FGF12: variants seen among roughly 807,000 people sequenced by gnomAD.
FGF12 encodes fibroblast growth factor 12.
Under a neutral mutation model 23.6 loss-of-function variants are expected in FGF12, and 14 were observed. The observed-to-expected ratio is 0.59, with a 90% CI of 0.39 to 0.93. The LOEUF is 0.93. Among genes scored for constraint, FGF12 ranks in the 40% least tolerant of loss-of-function variants. The probability of loss-of-function intolerance (pLI) is 0.00; values close to 1 mark genes in which losing one functional copy is unlikely to be tolerated. For synonymous variants in FGF12, 62 were observed against 77.3 expected (o/e 0.80, Z 1.04); for missense variants, 175 against 217.8 (o/e 0.80, Z 1.24).
At chr3:192,228,751 T>A (rs1718866201) in intron 4 of FGF12, among the ~76,000 whole-genome samples, 1 of 152,092 alleles carries the variant, frequency 6.6e-6, no homozygotes, top group South Asian at 2.1e-4. Context: ...CATAGAACCA[T>A]TAAGATGAAT....
At chr3:192,158,351 T>TTTCTTTCTTTCTTTCTTTCTTTC in intron 5 of FGF12, among the ~76,000 whole-genome samples, 1 of 95,432 alleles carries the variant, frequency 1.0e-5, no homozygotes, top group African/African-American at 4.1e-5. Context: ...TCTTTCTTTC[T>TTTCTTTCTTTCTTTCTTTCTTTC]TTCTTTCTTT....
chr3:192,224,947 G>A (rs1440706949), intron 4 of FGF12, among the ~76,000 whole-genome samples: 4 of 151,982 alleles, frequency 2.6e-5, no homozygotes, highest in African/African-American at 4.8e-5. Flanking sequence ...TACCATACCC[G>A]GAATTCTGAC....
chr3:192,662,504 C>T (rs1486326100), intron 2 of FGF12, among the ~76,000 whole-genome samples: 1 of 152,182 alleles, frequency 6.6e-6, no homozygotes, highest in Non-Finnish European at 1.5e-5. Flanking sequence ...GTCTCCAATA[C>T]ATTCATTTGC....
chr3:192,484,725 A>C (rs1723581305), intron 2 of FGF12, among the ~76,000 whole-genome samples: 1 of 152,206 alleles, frequency 6.6e-6, no homozygotes, highest in South Asian at 2.1e-4. Flanking sequence ...CCCACATTGC[A>C]CAGGCCCAAA....
chr3:192,424,174 T>A (rs1721622034), intron 2 of FGF12, among the ~76,000 whole-genome samples: 1 of 152,140 alleles, frequency 6.6e-6, no homozygotes, highest in Admixed American at 6.6e-5. Context: ...CTTCCCCAGA[T>A]CCTGTTCATC....
chr3:192,190,772 G>A (rs2108647258), intron 4 of FGF12, among the ~76,000 whole-genome samples: 1 of 152,230 alleles, frequency 6.6e-6, no homozygotes, highest in South Asian at 2.1e-4. Flanking sequence ...ACCGCGCCCG[G>A]CCCCAATACT....
chr3:192,364,398 G>A (rs1238323345), intron 2 of FGF12, among the ~76,000 whole-genome samples: 1 of 152,124 alleles, frequency 6.6e-6, no homozygotes, highest in African/African-American at 2.4e-5. Context: ...GGTAGGGGAG[G>A]AAGGGTTGGT....
intron 2 of FGF12, among the ~76,000 whole-genome samples, chr3:192,599,831 C>A (rs1714033698): frequency 6.6e-6 from 1 of 151,768 alleles, no homozygotes; most frequent in Non-Finnish European, 1.5e-5. Context: ...AATAAAGTAT[C>A]CAACTATATG....
At chr3:192,214,135 A>G (rs573703685) in intron 4 of FGF12, among the ~76,000 whole-genome samples, 1 of 152,212 alleles carries the variant, frequency 6.6e-6, no homozygotes, top group Non-Finnish European at 1.5e-5. Flanking sequence ...GAACTGTAAC[A>G]TTTACCAAGA....
chr3:192,350,595 T>C (rs36119106), intron 3 of FGF12, among the ~76,000 whole-genome samples: 2 of 152,086 alleles, frequency 1.3e-5, no homozygotes, highest in African/African-American at 4.8e-5. Context: ...GCTATTTAGA[T>C]ATTTGGAAGG....
chr3:192,544,609 C>A (rs1018241165), intron 2 of FGF12, among the ~76,000 whole-genome samples: 1 of 152,170 alleles, frequency 6.6e-6, no homozygotes, highest in African/African-American at 2.4e-5. Flanking sequence ...AGCTATTTAA[C>A]ACATAACAAA....
chr3:192,685,563 A>T (rs1164242620), intron 2 of FGF12, among the ~76,000 whole-genome samples: 5 of 152,118 alleles, frequency 3.3e-5, no homozygotes, highest in African/African-American at 4.8e-5. Context: ...ACAGTTTCTT[A>T]GGTATCGTGA....
chr3:192,434,780 AT>A (rs2108792521), intron 2 of FGF12, among the ~76,000 whole-genome samples: 1 of 152,144 alleles, frequency 6.6e-6, no homozygotes, highest in African/African-American at 2.4e-5. Context: ...ATCTCAAAGC[AT>A]TTCCCCCAGA....
chr3:192,258,059 CAAAGT>C (rs1236873108), intron 4 of FGF12, among the ~76,000 whole-genome samples: 8 of 145,558 alleles, frequency 5.5e-5, no homozygotes, highest in Non-Finnish European at 1.2e-4. Context: ...AGAAATGTTA[CAAAGT>C]AAAGGTTGTT....
intron 2 of FGF12, among the ~76,000 whole-genome samples, chr3:192,425,843 TA>T (rs1203847171): frequency 6.6e-6 from 1 of 152,210 alleles, no homozygotes; most frequent in Non-Finnish European, 1.5e-5. Flanking sequence ...AACAGAGTAG[TA>T]ATCAGATTCA....
At chr3:192,625,682 C>T (rs1239610786) in intron 2 of FGF12, among the ~76,000 whole-genome samples, 1 of 151,908 alleles carries the variant, frequency 6.6e-6, no homozygotes, top group East Asian at 1.9e-4. Flanking sequence ...TTTAAAAAGT[C>T]ATATTTTTTC....
intron 2 of FGF12, among the ~76,000 whole-genome samples, chr3:192,497,032 TGTCTCAGCCC>T (rs1446808019): frequency 6.6e-6 from 1 of 152,220 alleles, no homozygotes; most frequent in Non-Finnish European, 1.5e-5. Flanking sequence ...CACACACTCA[TGTCTCAGCCC>T]GAGTCTCTCC....
chr3:192,466,090 G>A (rs1218487829), intron 2 of FGF12, among the ~76,000 whole-genome samples: 1 of 152,130 alleles, frequency 6.6e-6, no homozygotes, highest in Non-Finnish European at 1.5e-5. Context: ...TAGGCTATGT[G>A]GCATAGCCTA....
intron 4 of FGF12, among the ~76,000 whole-genome samples, chr3:192,171,096 A>G (rs1431343341): frequency 6.6e-6 from 1 of 152,228 alleles, no homozygotes; most frequent in Non-Finnish European, 1.5e-5. Flanking sequence ...TATTCTGTAT[A>G]TACAAATGTA....
Sources: gnomAD v4.1 joint callset for allele counts (sites outside exome capture counted in the v4.1 genomes callset) on GRCh38, gnomAD v4.1.1 for gene constraint, MANE v1.5 for transcripts, NCBI Gene and HGNC (gene_info 2026-07-23, HGNC 2026-07-21) for gene names.